The following FAF1 variants were observed in gnomAD, a reference collection of about 807,000 sequenced individuals.
FAF1 encodes the protein Fas associated factor 1.
FAF1 carries 25 observed loss-of-function variants against 92.5 expected under a neutral mutation model. That is an observed-to-expected ratio of 0.27 (90% CI 0.20 to 0.38). The LOEUF (loss-of-function observed/expected upper bound fraction) is 0.38. FAF1 is among the 10% of genes least tolerant of loss of function. The probability of loss-of-function intolerance (pLI) is 1.00; values close to 1 mark genes in which losing one functional copy is unlikely to be tolerated. For synonymous variants in FAF1, 234 were observed against 273.2 expected (o/e 0.86, Z 1.42); for missense variants, 636 against 793.3 (o/e 0.80, Z 2.38).
intron 18 of FAF1, among the ~76,000 whole-genome samples, chr1:50,470,184 C>T (rs1339158266): frequency 6.6e-6 from 1 of 152,246 alleles, no homozygotes; most frequent in East Asian, 1.9e-4. Flanking sequence ...AATACTGGTG[C>T]TTGCAGCTGC....
intron 13 of FAF1, among the ~76,000 whole-genome samples, 166 bp downstream of exon 13, chr1:50,566,911 A>G (rs993553923): frequency 2.0e-5 from 3 of 152,116 alleles, no homozygotes; most frequent in African/African-American, 7.2e-5. Flanking sequence ...CATTTTCACA[A>G]TTGCAAATAA....
chr1:50,906,012 G>A (rs980774353), intron 1 of FAF1, among the ~76,000 whole-genome samples: 20 of 152,122 alleles, frequency 1.3e-4, no homozygotes, highest in African/African-American at 2.7e-4. Context: ...ATGGTTTTAC[G>A]TCTAACATTT....
At chr1:50,453,799 C>T in intron 18 of FAF1, among the ~76,000 whole-genome samples, 1 of 152,174 alleles carries the variant, frequency 6.6e-6, no homozygotes, top group East Asian at 1.9e-4. Flanking sequence ...TGCATTTTAC[C>T]TGGCCAGCCT....
intron 4 of FAF1, among the ~76,000 whole-genome samples, chr1:50,744,979 C>A (rs1275684957): frequency 6.6e-6 from 1 of 152,060 alleles, no homozygotes; most frequent in African/African-American, 2.4e-5. Context: ...AGATAGCATA[C>A]ATTAATGAAA....
intron 2 of FAF1, among the ~76,000 whole-genome samples, chr1:50,807,465 A>C (rs1487828328): frequency 6.6e-6 from 1 of 151,994 alleles, no homozygotes; most frequent in Non-Finnish European, 1.5e-5. Context: ...AGTGCCACAC[A>C]CTTTTAAACT....
At chr1:50,680,978 C>T (rs1656393367) in intron 7 of FAF1, among the ~76,000 whole-genome samples, 1 of 152,022 alleles carries the variant, frequency 6.6e-6, no homozygotes, top group Non-Finnish European at 1.5e-5. Context: ...GATGCATTTA[C>T]ATATACAAAC....
At chr1:50,646,627 T>C (rs747624130) in intron 8 of FAF1, among the ~76,000 whole-genome samples, 1 of 152,216 alleles carries the variant, frequency 6.6e-6, no homozygotes, top group Non-Finnish European at 1.5e-5. Flanking sequence ...TGAGAAGTCA[T>C]TTTTTCACTA....
At chr1:50,579,317 TTTGGAAATGGGCTTTTAAAAATATCTA>T (rs1345610406) in intron 12 of FAF1, among the ~76,000 whole-genome samples, 4 of 152,260 alleles carry the variant, frequency 2.6e-5, no homozygotes, top group Admixed American at 2.0e-4. Flanking sequence ...TTACAGAAGC[TTTGGAAATGGGCTTTTAAAAATATCTA>T]TACCTATTTT....
rs1201750264 is a variant in FAF1 at position 50,663,416 on chromosome 1, T to A, written c.658-7888A>T. On this transcript the variant is annotated intron_variant, in intron 7 of 18. Coordinates refer to ENST00000396153, the MANE Select transcript of FAF1 (RefSeq NM_007051.3). ...GCTTTTTTTTAAATTTTAATTTCAA[T>A]TTTTTTTTTTTTTTTTTGAGACAGA... Among the ~76,000 whole-genome samples, 3 of 100,374 alleles carry A rather than the reference T, an allele frequency of 3.0e-5. No individual in the cohort carries two copies. The East Asian group carries it at 7.2e-4, about 24-fold the overall frequency. 65.8% of individuals were successfully genotyped at this position (100,374 alleles called of 152,430 possible).
intron 7 of FAF1, among the ~76,000 whole-genome samples, chr1:50,659,377 A>AG (rs919014665): frequency 6.6e-6 from 1 of 151,810 alleles, no homozygotes; most frequent in Non-Finnish European, 1.5e-5. Flanking sequence ...TGAGAAAGAG[A>AG]GGGGGAAGGA....
intron 18 of FAF1, among the ~76,000 whole-genome samples, chr1:50,461,065 C>T (rs916330230): frequency 4.6e-5 from 7 of 152,104 alleles, no homozygotes; most frequent in African/African-American, 1.4e-4. Context: ...CTGTATTTCC[C>T]CTAGGAACAG....
intron 1 of FAF1, among the ~76,000 whole-genome samples, chr1:50,926,343 T>C (rs866662796): frequency 6.6e-6 from 1 of 152,170 alleles, no homozygotes; most frequent in Non-Finnish European, 1.5e-5. Context: ...GATAAATACA[T>C]GCTCTCAGTC....
rs553990016 is a variant in FAF1 at position 50,893,880 on chromosome 1, C to T, written c.46-35883G>A. Among the ~76,000 whole-genome samples the T allele has an allele frequency of 1.6e-4, 24 of 152,242 alleles. No individual in the cohort carries two copies. In the South Asian group the frequency reaches 2.5e-3, roughly 16 times the overall value. On this transcript the variant is annotated intron_variant, in intron 1 of 18. Transcript: ENST00000396153. ...ACCTACCTGGTATTCTATTGTACTGCGGCTGAACTGGCACTCAAACCACAA... is the reference window on the plus strand; with the variant it reads ...ACCTACCTGGTATTCTATTGTACTGTGGCTGAACTGGCACTCAAACCACAA...
intron 17 of FAF1, among the ~76,000 whole-genome samples, chr1:50,483,969 A>G (rs941747150): frequency 1.3e-5 from 2 of 152,208 alleles, no homozygotes; most frequent in Admixed American, 1.3e-4. Flanking sequence ...GAGACATCTA[A>G]GTAGACATGA....
In FAF1 at chr1:50,738,908, A is replaced by G; in HGVS notation, c.506T>C (p.Val169Ala). The change falls in exon 6 of 19, where the codon GTC (valine) becomes GCC (alanine). Residue 169 changes from valine (V) to alanine (A), a missense_variant. By Grantham distance (64) the Val-to-Ala change is moderately conservative (BLOSUM62 0). This residue lies in a region of FAF1 where 317 missense variants were observed against 342.4 expected (regional missense o/e 0.93). Transcript: ENST00000396153. ...AGGTGGTGGCAAATCTGGTGTAAGG[A>G]CATAAAGACTGTTGTTTTTTGGCAA... is the stretch of plus-strand genomic sequence containing the variant. The part of the protein sequence containing the change: ...LHLPKNNSLY[V>A]LTPDLPPPSS... 1 of 1,610,092 alleles carries G rather than the reference A, an allele frequency of 6.2e-7. No homozygotes were observed. The highest frequency in any genetic ancestry group is 8.5e-7 in the Non-Finnish European group (1 of 1,177,692).
chr1:50,730,302 T>C (rs1471692061), intron 6 of FAF1, among the ~76,000 whole-genome samples: 3 of 152,092 alleles, frequency 2.0e-5, no homozygotes, highest in Non-Finnish European at 2.9e-5. Context: ...ATTTGCTTAG[T>C]ATTATTTAAT....
At chr1:50,700,162 T>TA (rs1557482256) in intron 7 of FAF1, among the ~76,000 whole-genome samples, 2 of 152,014 alleles carry the variant, frequency 1.3e-5, no homozygotes, top group Non-Finnish European at 2.9e-5. Flanking sequence ...TTTTTTTTTT[T>TA]ATTTCTGTTT....
intron 13 of FAF1, among the ~76,000 whole-genome samples, chr1:50,564,549 T>C (rs1650086166): frequency 6.6e-6 from 1 of 152,092 alleles, no homozygotes; most frequent in Admixed American, 6.6e-5. Context: ...TAAATATTAG[T>C]GCAAGCAGTC....
At chr1:50,864,360 T>C (rs1202960823) in intron 1 of FAF1, among the ~76,000 whole-genome samples, 1 of 151,844 alleles carries the variant, frequency 6.6e-6, no homozygotes, top group Non-Finnish European at 1.5e-5. Flanking sequence ...AATTTCCCTC[T>C]ACACACTGCT....
Sources: allele counts gnomAD v4.1 joint callset (sites outside exome capture counted in the v4.1 genomes callset), GRCh38; gene constraint gnomAD v4.1.1; regional missense constraint gnomAD v4.1.1; transcripts MANE v1.5; gene names NCBI Gene and HGNC (gene_info 2026-07-23, HGNC 2026-07-21).